Variants in NRG3 observed in about 807,000 individuals in gnomAD.
The protein encoded by NRG3 is neuregulin 3.
A neutral mutation model predicts 66.9 loss-of-function variants in NRG3; 31 were observed. That is an observed-to-expected ratio of 0.46 (90% CI 0.35 to 0.63). The LOEUF (loss-of-function observed/expected upper bound fraction) is 0.63. NRG3 is among the 20% of genes least tolerant of loss of function. The pLI, the probability that NRG3 is intolerant of heterozygous loss-of-function variation, is 0.00. For missense variants in NRG3, 910 were observed against 878.9 expected (o/e 1.04, Z -0.45); for synonymous variants, 393 against 359.4 (o/e 1.09, Z -1.06).
At chr10:82,568,068 G>A (rs2045520481) in intron 2 of NRG3, among the ~76,000 whole-genome samples, 1 of 151,826 alleles carries the variant, frequency 6.6e-6, no homozygotes, top group Admixed American at 6.6e-5. Flanking sequence ...CCTAAAAGAG[G>A]AAGATAATGA....
chr10:82,066,823 T>G (rs906499697), intron 1 of NRG3, among the ~76,000 whole-genome samples: 1 of 151,104 alleles, frequency 6.6e-6, no homozygotes, highest in Non-Finnish European at 1.5e-5. Flanking sequence ...GACCTATTCT[T>G]TTTTTTTTGA....
chr10:82,809,103 T>C (rs1156352038), intron 3 of NRG3, among the ~76,000 whole-genome samples: 2 of 152,126 alleles, frequency 1.3e-5, no homozygotes, highest in Non-Finnish European at 2.9e-5. Context: ...AGACAACACA[T>C]GCACCATGCA....
At position 82,744,666 on chromosome 10, in the gene NRG3, C is replaced by T. The variant is rs144021891; in HGVS notation, c.1027+6016C>T. Among the ~76,000 whole-genome samples, 289 of 152,210 alleles carry T rather than the reference C, an allele frequency of 1.9e-3. 1 individual carries two copies. The highest frequency in any genetic ancestry group is 5.1e-3 in the African/African-American group (210 of 41,552). ...ACATTGAATTACAGACTACAAAGGA[C>T]GTAATGTCTGCAAGATATTGAAATG... On this transcript the variant is annotated intron_variant, in intron 3 of 8. Transcript: ENST00000372141.
intron 1 of NRG3, among the ~76,000 whole-genome samples, chr10:82,029,227 A>T (rs1019627489): frequency 6.6e-6 from 1 of 151,990 alleles, no homozygotes; most frequent in Non-Finnish European, 1.5e-5. Flanking sequence ...AAAAAGAATC[A>T]AATAAACTCT....
At chr10:82,254,632 G>A (rs1442331215) in intron 1 of NRG3, among the ~76,000 whole-genome samples, 2 of 150,892 alleles carry the variant, frequency 1.3e-5, no homozygotes, top group African/African-American at 4.9e-5. Flanking sequence ...AGAAAGCAAG[G>A]AAGTGCTAAA....
intron 2 of NRG3, among the ~76,000 whole-genome samples, chr10:82,718,503 CA>C (rs2057108612): frequency 6.6e-6 from 1 of 152,140 alleles, no homozygotes; most frequent in African/African-American, 2.4e-5. Flanking sequence ...AAAAGTTTTT[CA>C]ATTTTTGACA....
At chr10:82,814,345 G>A (rs1034504174) in intron 3 of NRG3, among the ~76,000 whole-genome samples, 4 of 152,212 alleles carry the variant, frequency 2.6e-5, no homozygotes, top group Non-Finnish European at 5.9e-5. Context: ...ACATTAAAGA[G>A]TAGAACAGGG....
At chr10:82,606,282 C>T (rs1013779975) in intron 2 of NRG3, among the ~76,000 whole-genome samples, 12 of 152,096 alleles carry the variant, frequency 7.9e-5, no homozygotes, top group African/African-American at 1.7e-4. Flanking sequence ...CTTTGACTCA[C>T]GTGTTATTTA....
chr10:81,877,845 G>A (rs1357189663), intron 1 of NRG3: 5 of 1,475,160 alleles, frequency 3.4e-6, no homozygotes, highest in African/African-American at 1.4e-5. Context: ...CTTGTGTTTT[G>A]TAGAAGGATA....
At chr10:82,443,513 T>A (rs2090553543) in intron 2 of NRG3, among the ~76,000 whole-genome samples, 1 of 152,194 alleles carries the variant, frequency 6.6e-6, no homozygotes, top group Non-Finnish European at 1.5e-5. Context: ...ATCTCATCAA[T>A]CCTTTTACAA....
intron 1 of NRG3, among the ~76,000 whole-genome samples, chr10:81,959,704 GAA>G (rs1419084854): frequency 2.6e-5 from 4 of 151,904 alleles, no homozygotes; most frequent in Non-Finnish European, 5.9e-5. Context: ...AAGGGCTTGT[GAA>G]AATTATGCAT....
intron 2 of NRG3, among the ~76,000 whole-genome samples, chr10:82,734,375 C>T (rs1349069618): frequency 3.3e-5 from 5 of 152,200 alleles, no homozygotes; most frequent in Admixed American, 3.3e-4. Context: ...AAACTCCCTA[C>T]ACAACCAAGT....
rs145277506 is a variant in NRG3, at chr10:82,093,271, T to A, written c.823+217108T>A. Among the ~76,000 whole-genome samples the A allele has an allele frequency of 6.8e-4, 103 of 152,278 alleles. 3 individuals are homozygous for A. In the East Asian group the frequency reaches 0.019, roughly 28 times the overall value. On this transcript the variant is annotated intron_variant, in intron 1 of 8. Coordinates refer to ENST00000372141, the MANE Select transcript of NRG3 (RefSeq NM_001010848.4). ...GTCAAATGTAGATCCCACAGCAACT[T>A]GGTATATAGCATCTGATAACTTGAA...
intron 2 of NRG3, among the ~76,000 whole-genome samples, chr10:82,630,282 T>A (rs557517886): frequency 6.6e-6 from 1 of 151,100 alleles, no homozygotes; most frequent in African/African-American, 2.4e-5. Flanking sequence ...AACAGCAATA[T>A]GAAAATCTTT....
intron 1 of NRG3, among the ~76,000 whole-genome samples, chr10:81,934,484 A>G (rs1847680495): frequency 1.3e-5 from 2 of 152,176 alleles, no homozygotes; most frequent in Non-Finnish European, 2.9e-5. Context: ...TCATACAACA[A>G]TGGAAATGTC....
At chr10:82,495,336 G>A (rs750079162) in intron 2 of NRG3, among the ~76,000 whole-genome samples, 3 of 152,060 alleles carry the variant, frequency 2.0e-5, no homozygotes, top group African/African-American at 7.2e-5. Flanking sequence ...AATAAGTTAT[G>A]CACTCTAGGA....
In NRG3 at chr10:82,787,098, T is replaced by C. The variant is rs116055093; in HGVS notation, c.1027+48448T>C. Among the ~76,000 whole-genome samples, 1,048 of 152,328 alleles carry C rather than the reference T, an allele frequency of 6.9e-3. 13 individuals are homozygous for C. The highest frequency in any genetic ancestry group is 0.024 in the African/African-American group (1,010 of 41,572). ...TGCAGCCATTTTCCCTCTAGACACA[T>C]GCACACACACCTATGACCTATGTCT... On this transcript the variant is annotated intron_variant, in intron 3 of 8. Transcript: ENST00000372141.
At chr10:82,093,462 C>T (rs1280003992) in intron 1 of NRG3, among the ~76,000 whole-genome samples, 1 of 152,148 alleles carries the variant, frequency 6.6e-6, no homozygotes. Flanking sequence ...TAATTTTGAG[C>T]TTATTCCAGT....
rs1312019870 is a variant in NRG3 at position 82,456,809 on chromosome 10, C to T, written c.953+97941C>T. Among the ~76,000 whole-genome samples, 4 of 152,246 alleles carry T rather than the reference C, an allele frequency of 2.6e-5. No individual in the cohort carries two copies. In the East Asian group the frequency reaches 7.7e-4, roughly 29 times the overall value. On this transcript the variant is annotated intron_variant, in intron 2 of 8. Transcript: ENST00000372141. ...AGCAAGCCTCATTGTCTCCTGAGTACCGGGCCTGACACTCGGCCTGCCCCA... is the reference window on the plus strand; with the variant it reads ...AGCAAGCCTCATTGTCTCCTGAGTATCGGGCCTGACACTCGGCCTGCCCCA...
Sources: allele counts gnomAD v4.1 joint callset (sites outside exome capture counted in the v4.1 genomes callset), GRCh38; gene constraint gnomAD v4.1.1; transcripts MANE v1.5; gene names NCBI Gene and HGNC (gene_info 2026-07-23, HGNC 2026-07-21).